Variants in GUCY1A1 observed in about 807,000 individuals in gnomAD.
The protein encoded by GUCY1A1 is guanylate cyclase soluble subunit alpha-1.
Under a neutral mutation model 64.5 loss-of-function variants are expected in GUCY1A1, and 48 were observed. The ratio of observed to expected loss-of-function variants is 0.74; its 90% CI spans 0.59 to 0.95. GUCY1A1 has a LOEUF of 0.95. Ranked by LOEUF, GUCY1A1 falls within the 40% of genes least tolerant of loss-of-function variation. The probability of loss-of-function intolerance (pLI) is 0.00; values close to 1 mark genes in which losing one functional copy is unlikely to be tolerated. For missense variants in GUCY1A1, 804 were observed against 825.3 expected, an observed-to-expected ratio of 0.97 and a Z score of 0.32; for synonymous variants, 308 against 303.4, an observed-to-expected ratio of 1.02 and a Z score of -0.16.
In GUCY1A1 at chr4:155,725,561, C is replaced by T. The variant is rs571776117; in HGVS notation, c.1871+3369C>T. The stretch of plus-strand genomic sequence containing the variant: ...TGAGGAATCCTACCTTAAAACAAAA[C>T]TGCTACATATAAAAAGCATATTTTC... On this transcript the variant is annotated intron_variant, in intron 9 of 9. Transcript: ENST00000506455. Among the ~76,000 whole-genome samples, 6 of 152,198 alleles carry T rather than the reference C, an allele frequency of 3.9e-5. No homozygotes were observed. The South Asian group carries it at 1.2e-3, about 32-fold the overall frequency.
intron 4 of GUCY1A1, among the ~76,000 whole-genome samples, chr4:155,705,557 A>T (rs886283299): frequency 2.6e-5 from 4 of 151,888 alleles, no homozygotes; most frequent in African/African-American, 9.7e-5. Context: ...AAAAAAAAAA[A>T]AAGTAATAGG....
intron 7 of GUCY1A1, among the ~76,000 whole-genome samples, chr4:155,715,719 A>T (rs1053054033): frequency 6.6e-6 from 1 of 152,120 alleles, no homozygotes; most frequent in Non-Finnish European, 1.5e-5. Context: ...CTTCTTATGT[A>T]CTCATTGCTG....
In GUCY1A1 at chr4:155,730,112, G is replaced by T. The variant is rs1368733883; in HGVS notation, c.1954G>T (p.Gly652Ter). Residue 652 changes from glycine (G) to a stop codon, truncating the protein, a stop_gained, in exon 10 of 10, where the codon GGA becomes TGA. Coordinates refer to ENST00000506455, the MANE Select transcript of GUCY1A1 (RefSeq NM_001130682.3). LOFTEE classifies it high-confidence loss of function. The stretch of plus-strand genomic sequence containing the variant: ...ACCAAACTTCCCTAGTGAAATCCCC[G>T]GAATCTGCCATTTTCTGGATGCTTA... ...LPPNFPSEIP[G>*]ICHFLDAYQQ... 3.1e-6 allele frequency: 5 copies of T among 1,610,922 alleles called. No individual in the cohort carries two copies. Among genetic ancestry groups the T allele is most frequent in the Non-Finnish European group, 4.2e-6 (5 of 1,177,684 alleles).
chr4:155,717,054 C>T (rs1434077872), intron 7 of GUCY1A1, 105 bp from the exon 8 acceptor site: 2 of 808,362 alleles, frequency 2.5e-6, no homozygotes, highest in African/African-American at 3.5e-5. Flanking sequence ...TCCAGAAGGC[C>T]TGAGCAATGA....
chr4:155,685,805 A>T (rs747627281), intron 2 of GUCY1A1, among the ~76,000 whole-genome samples: 2 of 152,248 alleles, frequency 1.3e-5, no homozygotes, highest in East Asian at 3.9e-4. Context: ...GGATTAGAAG[A>T]ACTGTGAGAG....
chr4:155,721,855 A>G (rs777108223), intron 8 of GUCY1A1, among the ~76,000 whole-genome samples, 183 bp from the exon 9 acceptor site: 1 of 152,162 alleles, frequency 6.6e-6, no homozygotes, highest in Non-Finnish European at 1.5e-5. Context: ...GTGACTGTTG[A>G]TTCTGCACTA....
At chr4:155,693,840 G>C (rs1212657901) in intron 2 of GUCY1A1, among the ~76,000 whole-genome samples, 1 of 152,194 alleles carries the variant, frequency 6.6e-6, no homozygotes, top group East Asian at 1.9e-4. Flanking sequence ...GCTGGATTCA[G>C]TAGGAAGATA....
At chr4:155,668,290 C>G (rs1416881129) in intron 2 of GUCY1A1, 2 of 152,202 alleles carry the variant, frequency 1.3e-5, no homozygotes, top group Admixed American at 6.5e-5. Context: ...ATTTTGCACT[C>G]GATAAACAGT....
intron 8 of GUCY1A1, among the ~76,000 whole-genome samples, chr4:155,718,390 T>A (rs1193182738): frequency 6.6e-6 from 1 of 152,212 alleles, no homozygotes; most frequent in African/African-American, 2.4e-5. Flanking sequence ...TTTATATGTT[T>A]CTGTGCAACA....
At chr4:155,722,414 A>G (rs1275897198) in intron 9 of GUCY1A1, 11 of 1,370,502 alleles carry the variant, frequency 8.0e-6, no homozygotes, top group South Asian at 1.7e-5. Flanking sequence ...CCATAAATCC[A>G]TGACAGATAT....
chr4:155,713,368 C>T lies in GUCY1A1; in HGVS notation c.1357C>T (p.Leu453Phe). The change falls in exon 7 of 10, where the codon CTT (leucine) becomes TTT (phenylalanine). Residue 453 changes from leucine to phenylalanine, a missense_variant. By Grantham distance (22) the Leu-to-Phe change is conservative. Transcript: ENST00000506455. ...LEEEKKKTVDLLCSIFPCEVA... is the reference protein window; with the variant it reads ...LEEEKKKTVDFLCSIFPCEVA... The stretch of plus-strand genomic sequence containing the variant: ...GGAGGAGAAGAAAAAGACAGTAGAC[C>T]TTCTGTGCTCCATATTTCCCTGTGA... 1 of 1,614,180 alleles carries T rather than the reference C, an allele frequency of 6.2e-7. No individual in the cohort carries two copies. Among genetic ancestry groups the T allele is most frequent in the Non-Finnish European group, 8.5e-7 (1 of 1,180,026 alleles).
intron 3 of GUCY1A1, 106 bp from the exon 4 acceptor site, chr4:155,703,826 G>A (rs1324275558): frequency 9.9e-6 from 7 of 705,252 alleles, no homozygotes; most frequent in Admixed American, 2.5e-5. Flanking sequence ...ATTGTATAAT[G>A]TGCTTTATTC....
intron 9 of GUCY1A1, among the ~76,000 whole-genome samples, chr4:155,722,892 A>G (rs533850672): frequency 5.9e-5 from 9 of 152,188 alleles, no homozygotes; most frequent in Admixed American, 1.3e-4. Flanking sequence ...AGGAAGCTCC[A>G]CCTGATTGAG....
intron 9 of GUCY1A1, among the ~76,000 whole-genome samples, chr4:155,729,366 G>A (rs1333167890): frequency 6.6e-6 from 1 of 151,764 alleles, no homozygotes; most frequent in East Asian, 1.9e-4. Flanking sequence ...AATAGGTTTA[G>A]CATAATGAAC....
intron 2 of GUCY1A1, 72 bp from the exon 3 acceptor site, chr4:155,696,683 CA>C (rs1730452369): frequency 2.0e-6 from 1 of 511,018 alleles, no homozygotes; most frequent in Non-Finnish European, 3.5e-6. Flanking sequence ...TGCTTTTGCT[CA>C]CCTGTCTTTT....
intron 9 of GUCY1A1, among the ~76,000 whole-genome samples, chr4:155,726,162 TCAATAATAG>T (rs1330345795): frequency 3.3e-5 from 5 of 152,054 alleles, no homozygotes; most frequent in Non-Finnish European, 7.4e-5. Context: ...TGTATTGATT[TCAATAATAG>T]TTTACTTTCT....
intron 6 of GUCY1A1, among the ~76,000 whole-genome samples, chr4:155,711,832 A>C (rs1732608356): frequency 6.6e-6 from 1 of 152,182 alleles, no homozygotes; most frequent in Non-Finnish European, 1.5e-5. Context: ...CACATGTATA[A>C]CTTTAACAGA....
At chr4:155,719,181 T>G (rs1347271093) in intron 8 of GUCY1A1, among the ~76,000 whole-genome samples, 3 of 152,132 alleles carry the variant, frequency 2.0e-5, no homozygotes, top group Non-Finnish European at 2.9e-5. Flanking sequence ...TATAGCTAGT[T>G]TCAAAGATAG....
Position 155,734,152 on chromosome 4 carries a change from G to A in GUCY1A1, c.*3921G>A, listed in dbSNP as rs1189833390. Among the ~76,000 whole-genome samples, 1 of 151,934 alleles carries A rather than the reference G, an allele frequency of 6.6e-6. No individual in the cohort carries two copies. Among genetic ancestry groups the A allele is most frequent in the Non-Finnish European group, 1.5e-5 (1 of 67,932 alleles). Reference sequence around the variant, plus strand: ...TTAAAAGAAGGCATAGGATGGAAGAGGGTGGTCTGTGGTAGGCCTAGCAAA... The same window carrying A: ...TTAAAAGAAGGCATAGGATGGAAGAAGGTGGTCTGTGGTAGGCCTAGCAAA... On this transcript the variant is annotated 3_prime_UTR_variant, in exon 10 of 10. Coordinates refer to ENST00000506455, the MANE Select transcript of GUCY1A1 (RefSeq NM_001130682.3).
Sources: allele counts gnomAD v4.1 joint callset (sites outside exome capture counted in the v4.1 genomes callset), GRCh38; gene constraint gnomAD v4.1.1; transcripts MANE v1.5; gene names NCBI Gene and HGNC (gene_info 2026-07-23, HGNC 2026-07-21).